BICD1: variants seen among roughly 807,000 people sequenced by gnomAD.
BICD1 encodes BICD cargo adaptor 1.
In BICD1, 35 loss-of-function variants were observed where a neutral mutation model predicts 92.5. The observed-to-expected ratio is 0.38, with a 90% CI of 0.29 to 0.50. The LOEUF is 0.50. Ranked by LOEUF, BICD1 falls within the 20% of genes least tolerant of loss-of-function variation. BICD1 has a pLI of 0.93. For synonymous variants in BICD1, 429 were observed against 465.1 expected (o/e 0.92, Z 1.00); for missense variants, 950 against 1,189.8 (o/e 0.80, Z 2.97).
rs1055044741 is a variant in BICD1, at chr12:32,378,149, A to G, written c.*522A>G. The G allele has an allele frequency of 5.9e-5, 9 of 152,444 alleles. No individual in the cohort carries two copies. The highest frequency in any genetic ancestry group is 2.2e-4 in the African/African-American group (9 of 41,468). 9.4% of individuals were successfully genotyped at this position (152,444 alleles called of 1,614,324 possible). On this transcript the variant is annotated 3_prime_UTR_variant, in exon 10 of 10. Transcript: ENST00000652176. ...ATAAGCATAATTTGCTCAATTAAGT[A>G]TGAGTTTGAATTTAGTTTGAAATCT... is the stretch of plus-strand genomic sequence containing the variant.
chr12:32,131,302 C>T (rs867395697), intron 1 of BICD1, among the ~76,000 whole-genome samples: 4 of 152,092 alleles, frequency 2.6e-5, no homozygotes, highest in Non-Finnish European at 4.4e-5. Flanking sequence ...CCGTATATTT[C>T]AGCTCTTCTC....
At chr12:32,216,114 C>T (rs540102128) in intron 1 of BICD1, 133 bp from the exon 2 acceptor site, 3 of 714,712 alleles carry the variant, frequency 4.2e-6, no homozygotes, top group South Asian at 4.1e-5. Flanking sequence ...AGCTGCTAGA[C>T]TGTTATATTT....
chr12:32,142,453 C>CCTATCTATTTATCCTATCTATCTAT (rs1942964955), intron 1 of BICD1, among the ~76,000 whole-genome samples: 5 of 112,882 alleles, frequency 4.4e-5, no homozygotes, highest in Non-Finnish European at 6.9e-5. Context: ...ACCTATCTAT[C>CCTATCTATTTATCCTATCTATCTAT]CTATCTATCT....
chr12:32,262,542 C>T (rs142274216), intron 2 of BICD1, among the ~76,000 whole-genome samples: 1 of 152,296 alleles, frequency 6.6e-6, no homozygotes, highest in Non-Finnish European at 1.5e-5. Context: ...ACCCTTGGTC[C>T]CTCAGAATGT....
intron 8 of BICD1, among the ~76,000 whole-genome samples, chr12:32,345,427 T>G (rs1008236120): frequency 2.6e-5 from 4 of 152,186 alleles, no homozygotes; most frequent in African/African-American, 9.7e-5. Flanking sequence ...ATGGTAGATT[T>G]CTGCCACAAC....
chr12:32,362,226 G>A (rs1939357705), intron 8 of BICD1, among the ~76,000 whole-genome samples: 1 of 152,186 alleles, frequency 6.6e-6, no homozygotes, highest in Non-Finnish European at 1.5e-5. Context: ...CGGGCATGGT[G>A]GTGCATGCCT....
At chr12:32,303,219 G>C (rs1367589160) in intron 3 of BICD1, among the ~76,000 whole-genome samples, 1 of 151,648 alleles carries the variant, frequency 6.6e-6, no homozygotes, top group African/African-American at 2.4e-5. Flanking sequence ...TGAGATTACA[G>C]GCCTGAGCCA....
chr12:32,220,582 A>G (rs1002906130), intron 2 of BICD1, among the ~76,000 whole-genome samples: 3 of 150,732 alleles, frequency 2.0e-5, no homozygotes, highest in African/African-American at 7.3e-5. Context: ...ATCATTAAAA[A>G]GTCAGGAAAC....
At chr12:32,309,792 T>C (rs941223173) in intron 4 of BICD1, among the ~76,000 whole-genome samples, 3 of 152,168 alleles carry the variant, frequency 2.0e-5, no homozygotes, top group Non-Finnish European at 2.9e-5. Flanking sequence ...TTTTTATTAT[T>C]ATTATACTTT....
intron 2 of BICD1, among the ~76,000 whole-genome samples, chr12:32,244,080 T>TTTTTTTTTTTTTTTTTTTTTTTTAAG (rs1270426321): frequency 6.6e-6 from 1 of 152,130 alleles, no homozygotes; most frequent in African/African-American, 2.4e-5. Flanking sequence ...ATTCTTTATC[T>TTTTTTTTTTTTTTTTTTTTTTTTAAG]GCTATTTCAA....
At chr12:32,311,946 T>C (rs1199632740) in intron 4 of BICD1, among the ~76,000 whole-genome samples, 3 of 152,180 alleles carry the variant, frequency 2.0e-5, no homozygotes, top group Non-Finnish European at 2.9e-5. Flanking sequence ...GATTGGAAAG[T>C]AACTCTTGAT....
At chr12:32,158,528 T>A (rs1943511314) in intron 1 of BICD1, among the ~76,000 whole-genome samples, 1 of 151,852 alleles carries the variant, frequency 6.6e-6, no homozygotes, top group South Asian at 2.1e-4. Context: ...AAAGAATACC[T>A]CTGGTATATA....
chr12:32,212,980 C>T (rs1024433374), intron 1 of BICD1, among the ~76,000 whole-genome samples: 6 of 152,204 alleles, frequency 3.9e-5, no homozygotes, highest in Non-Finnish European at 8.8e-5. Flanking sequence ...CAAAATACTA[C>T]ACTGATTTTC....
chr12:32,223,789 G>A (rs9943866), intron 2 of BICD1, among the ~76,000 whole-genome samples: 8,272 of 152,066 alleles, frequency 0.054, 716 homozygotes, highest in African/African-American at 0.19. Flanking sequence ...CTTTCACTTG[G>A]ACACTTTGAG....
intron 1 of BICD1, among the ~76,000 whole-genome samples, chr12:32,197,526 G>A (rs1944761784): frequency 2.0e-5 from 3 of 152,156 alleles, no homozygotes; most frequent in South Asian, 4.1e-4. Context: ...TATTTTCTTA[G>A]TGATAAAGTG....
intron 8 of BICD1, among the ~76,000 whole-genome samples, chr12:32,364,604 T>C (rs144983484): frequency 3.9e-5 from 6 of 152,356 alleles, no homozygotes; most frequent in Admixed American, 3.9e-4. Flanking sequence ...TGTTTTTTAT[T>C]CTTTAAGGAT....
chr12:32,263,128 C>T (rs543823384), intron 2 of BICD1, among the ~76,000 whole-genome samples: 2 of 147,232 alleles, frequency 1.4e-5, no homozygotes, highest in African/African-American at 5.0e-5. Flanking sequence ...GAGTGAGAGC[C>T]GGTCTCAAAA....
intron 1 of BICD1, among the ~76,000 whole-genome samples, chr12:32,163,568 T>C (rs1943662298): frequency 6.6e-6 from 1 of 152,216 alleles, no homozygotes. Context: ...CACTCAAGAC[T>C]GTATTATGAG....
chr12:32,350,519 T>A (rs913345727), intron 8 of BICD1, among the ~76,000 whole-genome samples: 1 of 152,150 alleles, frequency 6.6e-6, no homozygotes, highest in Non-Finnish European at 1.5e-5. Flanking sequence ...TATAGTTACA[T>A]AGCACTTATA....
Sources: allele counts gnomAD v4.1 joint callset (sites outside exome capture counted in the v4.1 genomes callset), GRCh38; gene constraint gnomAD v4.1.1; transcripts MANE v1.5; gene names NCBI Gene and HGNC (gene_info 2026-07-23, HGNC 2026-07-21).